Variants in SPAG16 observed in about 807,000 individuals in gnomAD.
SPAG16 encodes the protein sperm associated antigen 16.
Under a neutral mutation model 80.4 loss-of-function variants are expected in SPAG16, and 86 were observed. The ratio of observed to expected loss-of-function variants is 1.07; its 90% CI spans 0.90 to 1.28. The LOEUF (loss-of-function observed/expected upper bound fraction) is 1.28. Among genes scored for constraint, SPAG16 ranks in the 50% most tolerant of loss-of-function variants. The pLI, the probability that SPAG16 is intolerant of heterozygous loss-of-function variation, is 0.00. For missense variants in SPAG16, 870 were observed against 765.3 expected, an observed-to-expected ratio of 1.14 and a Z score of -1.61; for synonymous variants, 294 against 265.9, an observed-to-expected ratio of 1.11 and a Z score of -1.03.
intron 10 of SPAG16, among the ~76,000 whole-genome samples, chr2:213,676,580 T>A (rs1427056072): frequency 6.6e-6 from 1 of 152,024 alleles, no homozygotes; most frequent in Non-Finnish European, 1.5e-5. Flanking sequence ...TTGTTGAGAG[T>A]TTTTAGCATG....
intron 13 of SPAG16, 25 bp from the exon 14 acceptor site, chr2:214,108,171 C>T (rs749226230): frequency 6.6e-7 from 1 of 1,514,552 alleles, no homozygotes; most frequent in South Asian, 1.3e-5. Flanking sequence ...ATTTATTTGA[C>T]TCTGTTTCTG....
At chr2:213,871,623 G>A (rs897491682) in intron 11 of SPAG16, among the ~76,000 whole-genome samples, 2 of 151,974 alleles carry the variant, frequency 1.3e-5, no homozygotes, top group African/African-American at 4.8e-5. Flanking sequence ...CAAGCAGGAG[G>A]TAAAGGCTAA....
rs567528322 is a variant in SPAG16 at position 213,406,846 on chromosome 2, G to C, written c.942+31727G>C. Among the ~76,000 whole-genome samples, 17 of 151,484 alleles carry C rather than the reference G, an allele frequency of 1.1e-4. No homozygotes were observed. In the South Asian group the frequency reaches 1.9e-3, roughly 17 times the overall value. The stretch of plus-strand genomic sequence containing the variant: ...GGTCTCTCCTCTCTCGTGAGGAGGC[G>C]CACCCAGCCCTAGTGTGGTGGCCTC... On this transcript the variant is annotated intron_variant, in intron 9 of 15. Coordinates refer to ENST00000331683, the MANE Select transcript of SPAG16 (RefSeq NM_024532.5).
At chr2:213,376,028 A>G (rs2066867553) in intron 9 of SPAG16, among the ~76,000 whole-genome samples, 1 of 151,048 alleles carries the variant, frequency 6.6e-6, no homozygotes, top group Admixed American at 6.6e-5. Flanking sequence ...AATCCAATGT[A>G]TAAAATATTT....
intron 15 of SPAG16, among the ~76,000 whole-genome samples, chr2:214,191,757 G>A (rs1170524133): frequency 6.8e-6 from 1 of 147,402 alleles, no homozygotes; most frequent in Non-Finnish European, 1.5e-5. Flanking sequence ...AAACCAGGAT[G>A]CTGTGAACCA....
intron 15 of SPAG16, among the ~76,000 whole-genome samples, chr2:214,198,430 T>G (rs1253562000): frequency 6.6e-6 from 1 of 152,134 alleles, no homozygotes; most frequent in Non-Finnish European, 1.5e-5. Flanking sequence ...CAAAAAGATA[T>G]TATTTCATTC....
rs532944219 is a variant in SPAG16, at chr2:213,330,146, G to A, written c.537-10017G>A. ...AAGGCAGTGCGGAAGGGAAATATGG[G>A]GTGGGAGCCCCCACACAGAGTCCCT... On this transcript the variant is annotated intron_variant, in intron 5 of 15. Coordinates refer to ENST00000331683, the MANE Select transcript of SPAG16 (RefSeq NM_024532.5). Among the ~76,000 whole-genome samples the A allele has an allele frequency of 2.0e-5, 3 of 152,336 alleles. No individual in the cohort carries two copies. In the South Asian group the frequency reaches 6.2e-4, roughly 32 times the overall value.
chr2:213,605,331 A>G (rs984583370), intron 10 of SPAG16, among the ~76,000 whole-genome samples: 1 of 146,808 alleles, frequency 6.8e-6, no homozygotes, highest in East Asian at 2.0e-4. Flanking sequence ...CAGTGGTGCG[A>G]TCTCAGCTCA....
At chr2:213,992,372 T>G (rs923597321) in intron 12 of SPAG16, among the ~76,000 whole-genome samples, 1 of 152,192 alleles carries the variant, frequency 6.6e-6, no homozygotes, top group African/African-American at 2.4e-5. Context: ...ATTCCATATG[T>G]AGGTATGAGT....
At chr2:214,097,206 CTT>C (rs1397808897) in intron 13 of SPAG16, among the ~76,000 whole-genome samples, 2 of 152,052 alleles carry the variant, frequency 1.3e-5, no homozygotes, top group African/African-American at 4.8e-5. Context: ...CTGGCATAAA[CTT>C]TAATTCTGCT....
intron 13 of SPAG16, among the ~76,000 whole-genome samples, chr2:214,016,915 T>C (rs2047619156): frequency 6.6e-6 from 1 of 152,100 alleles, no homozygotes; most frequent in Non-Finnish European, 1.5e-5. Context: ...ATACAAAACA[T>C]GATTGATATA....
chr2:213,595,492 T>A (rs1050550515), intron 10 of SPAG16, among the ~76,000 whole-genome samples: 2 of 152,158 alleles, frequency 1.3e-5, no homozygotes, highest in African/African-American at 4.8e-5. Flanking sequence ...ATTCTGCATT[T>A]TCTAGGATTC....
chr2:214,275,073 T>A, intron 15 of SPAG16, among the ~76,000 whole-genome samples: 1 of 152,156 alleles, frequency 6.6e-6, no homozygotes, highest in East Asian at 1.9e-4. Flanking sequence ...GGTTTTCTAG[T>A]TTATTTGTGT....
chr2:213,658,095 A>G (rs981412378), intron 10 of SPAG16, among the ~76,000 whole-genome samples: 2 of 152,086 alleles, frequency 1.3e-5, no homozygotes, highest in Non-Finnish European at 2.9e-5. Context: ...TTCTGCTATG[A>G]GGAGGTGTTT....
At chr2:213,348,723 G>A (rs541099251) in intron 6 of SPAG16, among the ~76,000 whole-genome samples, 3 of 152,238 alleles carry the variant, frequency 2.0e-5, no homozygotes, top group Non-Finnish European at 2.9e-5. Context: ...TCTTCTGGCT[G>A]GTAGAGTTTC....
At chr2:214,078,785 T>TGAG (rs1394681827) in intron 13 of SPAG16, among the ~76,000 whole-genome samples, 1 of 152,162 alleles carries the variant, frequency 6.6e-6, no homozygotes, top group Non-Finnish European at 1.5e-5. Context: ...GTTTTCAGAG[T>TGAG]ATTTCTCTAT....
chr2:213,305,779 TG>T (rs2062916661), intron 3 of SPAG16, among the ~76,000 whole-genome samples: 1 of 152,178 alleles, frequency 6.6e-6, no homozygotes, highest in Admixed American at 6.6e-5. Flanking sequence ...TTGAGGATTT[TG>T]CATCTATGTT....
intron 10 of SPAG16, among the ~76,000 whole-genome samples, chr2:213,699,778 GA>G (rs779061505): frequency 6.6e-6 from 1 of 152,184 alleles, no homozygotes; most frequent in Non-Finnish European, 1.5e-5. Flanking sequence ...GATGTGATAA[GA>G]AAGGCCTGGG....
In SPAG16 at chr2:214,102,258, A is replaced by G. The variant is rs181842956; in HGVS notation, c.1528-5938A>G. 2.5e-3 allele frequency among the ~76,000 whole-genome samples: 386 copies of G among 152,014 alleles called. 2 individuals are homozygous for G. Among genetic ancestry groups the G allele is most frequent in the Middle Eastern group, 6.8e-3 (2 of 294 alleles). ...AGGAGTGGATGAGTTTGTCTTGTGG[A>G]GCGTAATTTTAGAGGCAGGAGACTA... On this transcript the variant is annotated intron_variant, in intron 13 of 15. Transcript: ENST00000331683.
Sources: gnomAD v4.1 joint callset for allele counts (sites outside exome capture counted in the v4.1 genomes callset) on GRCh38, gnomAD v4.1.1 for gene constraint, MANE v1.5 for transcripts, NCBI Gene and HGNC (gene_info 2026-07-23, HGNC 2026-07-21) for gene names.